CD151: variants seen among roughly 807,000 people sequenced by gnomAD.
The protein encoded by CD151 is CD151 antigen.
CD151 carries 20 observed loss-of-function variants against 34.2 expected under a neutral mutation model. The ratio of observed to expected loss-of-function variants is 0.58; its 90% confidence interval spans 0.41 to 0.85. The LOEUF (loss-of-function observed/expected upper bound fraction) is 0.85. Ranked by LOEUF, CD151 falls within the 40% of genes least tolerant of loss-of-function variation. CD151 has a pLI of 0.00. For synonymous variants in CD151, 157 were observed against 131.7 expected (o/e 1.19, Z -1.32); for missense variants, 306 against 324.5 (o/e 0.94, Z 0.44).
intron 2 of CD151, 160 bp from the exon 3 acceptor site, chr11:835,903 G>C (rs991621873): frequency 3.3e-6 from 2 of 615,116 alleles, no homozygotes; most frequent in African/African-American, 3.7e-5. Context: ...TAGCCAGGAT[G>C]GTCTTGATCT....
At chr11:836,981 GATGGGGTCTAGGTCTCTGCAGGGGCAC>G (rs1215411605) in intron 5 of CD151, 138 bp downstream of exon 5, 11 of 777,170 alleles carry the variant, frequency 1.4e-5, no homozygotes, top group Non-Finnish European at 2.0e-5. Flanking sequence ...GGGCCCTGGA[GATGGGGTCTAGGTCTCTGCAGGGGCAC>G]ATGGGGTCAG....
Position 837,357 on chromosome 11 carries a change from G to A in CD151, c.456+3G>A, listed in dbSNP as rs878985177. ...CTGTGGACCAGCTGCAGCAGGAGGTGGGTGGGTGGTGCTGGGAGGGCGCGT... is the reference window on the plus strand; with the variant it reads ...CTGTGGACCAGCTGCAGCAGGAGGTAGGTGGGTGGTGCTGGGAGGGCGCGT... On this transcript the variant is annotated splice_donor_region_variant and intron_variant, in intron 6 of 8. Coordinates refer to ENST00000397420, the MANE Select transcript of CD151 (RefSeq NM_004357.5). The A allele has an allele frequency of 2.5e-6, 4 of 1,612,064 alleles. No homozygotes were observed. The South Asian group carries it at 4.4e-5, about 18-fold the overall frequency.
chr11:837,360 T>G lies in CD151; in HGVS notation c.456+6T>G, dbSNP rs1590210552. The G allele has an allele frequency of 6.2e-7, 1 of 1,611,384 alleles. No individual in the cohort carries two copies. On this transcript the variant is annotated splice_donor_region_variant and intron_variant, in intron 6 of 8. Transcript: ENST00000397420. ...TGGACCAGCTGCAGCAGGAGGTGGG[T>G]GGGTGGTGCTGGGAGGGCGCGTGCA...
chr11:836,919 G>C (rs1846798045), intron 5 of CD151, 76 bp downstream of exon 5: 7 of 1,309,344 alleles, frequency 5.3e-6, no homozygotes, highest in Non-Finnish European at 7.7e-6. Context: ...GCACACGCGT[G>C]GCTAGCCCCA....
rs374891770 is a variant in CD151 at position 837,937 on chromosome 11, C to G, written c.616-5C>G. On this transcript the variant is annotated splice_polypyrimidine_tract_variant and splice_region_variant and intron_variant, in intron 7 of 8. Transcript: ENST00000397420. ...CCGCCTTCAACACCCATCCGCGCCCCGCAGGGCGGCTGCATCACCAAGTTG... is the reference window on the plus strand; with the variant it reads ...CCGCCTTCAACACCCATCCGCGCCCGGCAGGGCGGCTGCATCACCAAGTTG... 10 of 1,610,070 alleles carry G rather than the reference C, an allele frequency of 6.2e-6. No individual in the cohort carries two copies. The Admixed American group carries it at 1.7e-4, about 27-fold the overall frequency.
At chr11:836,980 A>AGAT (rs1431754294) in intron 5 of CD151, 137 bp downstream of exon 5, 2 of 777,670 alleles carry the variant, frequency 2.6e-6, no homozygotes, top group Non-Finnish European at 4.4e-6. Flanking sequence ...TGGGCCCTGG[A>AGAT]GATGGGGTCT....
chr11:835,873 C>T, intron 2 of CD151, 190 bp from the exon 3 acceptor site: 1 of 561,038 alleles, frequency 1.8e-6, no homozygotes. Context: ...ATTTCTAGTA[C>T]AGACGGGGTT....
intron 7 of CD151, 62 bp downstream of exon 7, chr11:837,680 A>T: frequency 6.5e-7 from 1 of 1,536,462 alleles, no homozygotes; most frequent in African/African-American, 1.4e-5. Context: ...CACCCCAGTG[A>T]CTGGCTGTGG....
chr11:837,891 A>G, intron 7 of CD151, 51 bp from the exon 8 acceptor site: 1 of 1,407,034 alleles, frequency 7.1e-7, no homozygotes, highest in Non-Finnish European at 9.9e-7. Context: ...AGTAGGGGCC[A>G]GTGGGAGGTG....
chr11:836,663 C>T (rs998834725), intron 4 of CD151, 106 bp from the exon 5 acceptor site: 1 of 1,136,852 alleles, frequency 8.8e-7, no homozygotes, highest in Non-Finnish European at 1.3e-6. Context: ...CGCCCCTCAG[C>T]CCCCACCTGG....
At position 838,497 on chromosome 11, in the gene CD151, A is replaced by AG. The variant is rs952541995; in HGVS notation, c.*310dup. ...TGGCGCAAGGCCGAGCGTTCCCAGC[A>AG]GGGGGAGAAACCCTTCACACCCCAG... is the stretch of plus-strand genomic sequence containing the variant. On this transcript the variant is annotated 3_prime_UTR_variant, in exon 9 of 9. Transcript: ENST00000397420. 1 of 524,400 alleles carries AG rather than the reference A, an allele frequency of 1.9e-6. No homozygotes were observed. The highest frequency in any genetic ancestry group is 3.4e-6 in the Non-Finnish European group (1 of 292,000). The allele number at this position is 524,400 out of a possible 1,614,324, so 32.5% of individuals were successfully genotyped here. A position where few individuals can be genotyped will look rare whatever the true frequency, so the allele number is the denominator to read the frequency against.
intron 4 of CD151, 81 bp downstream of exon 4, chr11:836,523 C>T: frequency 9.4e-7 from 1 of 1,064,244 alleles, no homozygotes; most frequent in Non-Finnish European, 1.3e-6. Context: ...TGAACCTGTG[C>T]CTTGCTGTGC....
intron 2 of CD151, chr11:835,187 C>T (rs183346842): frequency 1.3e-5 from 2 of 152,366 alleles, no homozygotes; most frequent in Admixed American, 1.3e-4. Context: ...CCTGTCCTGT[C>T]TGTGGGCACC....
In CD151 at chr11:838,264, C is replaced by G; in HGVS notation, c.*72C>G. On this transcript the variant is annotated 3_prime_UTR_variant, in exon 9 of 9. Coordinates refer to ENST00000397420, the MANE Select transcript of CD151 (RefSeq NM_004357.5). The stretch of plus-strand genomic sequence containing the variant: ...ACCACTGAGTACCAGGGGCTGGGCT[C>G]CCTGATGACACCCACCCTGTGCCAT... 7.8e-7 allele frequency: 1 copy of G among 1,282,816 alleles called. No homozygotes were observed. The highest frequency in any genetic ancestry group is 1.1e-6 in the Non-Finnish European group (1 of 881,456). The allele number at this position is 1,282,816 out of a possible 1,614,324, so 79.5% of individuals were successfully genotyped here.
intron 2 of CD151, 96 bp from the exon 3 acceptor site, chr11:835,967 G>A (rs1331087614): frequency 1.3e-5 from 10 of 741,754 alleles, no homozygotes; most frequent in East Asian, 2.6e-5. Context: ...GATTACAGGC[G>A]TGAGCCACCG....
intron 1 of CD151, 151 bp from the exon 2 acceptor site, chr11:834,379 A>AAAG (rs1846673116): frequency 6.6e-6 from 1 of 152,344 alleles, no homozygotes; most frequent in African/African-American, 2.4e-5. Flanking sequence ...AAAAAGAAAA[A>AAAG]AACAAAATGT....
chr11:837,939 C>T lies in CD151; in HGVS notation c.616-3C>T, dbSNP rs111724877. The stretch of plus-strand genomic sequence containing the variant: ...GCCTTCAACACCCATCCGCGCCCCG[C>T]AGGGCGGCTGCATCACCAAGTTGGA... On this transcript the variant is annotated splice_polypyrimidine_tract_variant and splice_region_variant and intron_variant, in intron 7 of 8. Coordinates refer to ENST00000397420, the MANE Select transcript of CD151 (RefSeq NM_004357.5). 12 of 1,610,734 alleles carry T rather than the reference C, an allele frequency of 7.5e-6. No homozygotes were observed. Among genetic ancestry groups the T allele is most frequent in the African/African-American group, 5.3e-5 (4 of 75,012 alleles).
In CD151 at chr11:838,163, T is replaced by C. The variant is rs887154171; in HGVS notation, c.733T>C (p.Tyr245His). 3.7e-6 allele frequency: 6 copies of C among 1,613,136 alleles called. No homozygotes were observed. The highest frequency in any genetic ancestry group is 1.7e-5 in the Admixed American group (1 of 59,992). ...TGGCATGATCTTCACGTGCTGCCTG[T>C]ACAGGAGTCTCAAGCTGGAGCACTA... ...VFGMIFTCCL[Y>H]RSLKLEHY The change falls in exon 9 of 9, where the codon TAC becomes CAC. Residue 245 changes from tyrosine to histidine, a missense_variant. Tyr to His is a moderately conservative substitution (Grantham distance 83, BLOSUM62 2). Transcript: ENST00000397420.
Position 838,292 on chromosome 11 carries a change from C to T in CD151, c.*100C>T, listed in dbSNP as rs562246419. ...TGATGACACCCACCCTGTGCCATCACCATAACCTCTGGGGACCCCAACCTC... is the reference window on the plus strand; with the variant it reads ...TGATGACACCCACCCTGTGCCATCATCATAACCTCTGGGGACCCCAACCTC... On this transcript the variant is annotated 3_prime_UTR_variant, in exon 9 of 9. Coordinates refer to ENST00000397420, the MANE Select transcript of CD151 (RefSeq NM_004357.5). 3 of 1,004,900 alleles carry T rather than the reference C, an allele frequency of 3.0e-6. No individual in the cohort carries two copies. The South Asian group carries it at 4.0e-5, about 13-fold the overall frequency. 62.2% of individuals were successfully genotyped at this position (1,004,900 alleles called of 1,614,324 possible).
Sources: allele counts gnomAD v4.1 joint callset, GRCh38; gene constraint gnomAD v4.1.1; transcripts MANE v1.5; gene names NCBI Gene and HGNC (gene_info 2026-07-23, HGNC 2026-07-21).